COMMD3: variants seen among roughly 807,000 people sequenced by gnomAD.
COMMD3 encodes COMM domain containing 3.
A neutral mutation model predicts 31.2 loss-of-function variants in COMMD3; 31 were observed. The observed-to-expected ratio is 0.99, with a 90% CI of 0.75 to 1.34. The LOEUF is 1.34. Among genes scored for constraint, COMMD3 ranks in the 40% most tolerant of loss-of-function variants. The probability of loss-of-function intolerance (pLI) is 0.00; values close to 1 mark genes in which losing one functional copy is unlikely to be tolerated. For synonymous variants in COMMD3, 108 were observed against 87.3 expected (o/e 1.24, Z -1.32); for missense variants, 274 against 236.9 (o/e 1.16, Z -1.03).
intron 7 of COMMD3, 148 bp from the exon 8 acceptor site, chr10:22,319,791 T>G: frequency 2.2e-6 from 2 of 923,926 alleles, no homozygotes; most frequent in Non-Finnish European, 1.6e-6. Flanking sequence ...TTTTGCCCGA[T>G]AGTAGTTTGT....
In COMMD3 at chr10:22,318,175, T is replaced by TA. The variant is rs1835890251; in HGVS notation, c.315+8dup. 7 of 1,606,024 alleles carry TA rather than the reference T, an allele frequency of 4.4e-6. No individual in the cohort carries two copies. Among genetic ancestry groups the TA allele is most frequent in the African/African-American group, 2.7e-5 (2 of 74,226 alleles). ...GTTTTGCACGGAATATCAGGTTACT[T>TA]ACTTTAAAATTTTTAATTAACAGTA... On this transcript the variant is annotated splice_region_variant and intron_variant, in intron 3 of 7. Coordinates refer to ENST00000376836, the MANE Select transcript of COMMD3 (RefSeq NM_012071.4).
chr10:22,319,016 C>T lies in COMMD3; in HGVS notation c.526C>T (p.Gln176Ter), dbSNP rs773920093. ...TTTTAGTTGCAGCATGGAACAATTA[C>T]AGGTACAGTATTAGGATCTATAAAT... ...ISFSCSMEQLQDLVGKLKDAS... is the reference protein window; with the variant it reads ...ISFSCSMEQL Residue 176 changes from glutamine (Q) to a stop codon, truncating the protein, a stop_gained and splice_region_variant, in exon 7 of 8, where the codon CAG becomes TAG. Transcript: ENST00000376836. LOFTEE classifies it high-confidence loss of function. 6.2e-7 allele frequency: 1 copy of T among 1,610,696 alleles called. No individual in the cohort carries two copies. Among genetic ancestry groups the T allele is most frequent in the Non-Finnish European group, 8.5e-7 (1 of 1,178,898 alleles).
intron 4 of COMMD3, 138 bp downstream of exon 4, chr10:22,318,444 A>G (rs1835896603): frequency 3.1e-6 from 4 of 1,283,702 alleles, no homozygotes; most frequent in Non-Finnish European, 2.2e-6. Context: ...ATTGAAGTTA[A>G]GCTCATGTTT....
At position 22,316,440 on chromosome 10, in the gene COMMD3, A is replaced by G. The variant is rs992434160; in HGVS notation, c.23A>G (p.Gln8Arg). ...ACAATGGAGCTCTCGGAGTCTGTGC[A>G]GAAAGGCTTCCAGATGCTGGCGGAT... MELSESV[Q>R]KGFQMLADPR... The change falls in exon 1 of 8, where the codon CAG (glutamine) becomes CGG (arginine). Residue 8 changes from glutamine (Q) to arginine (R), a missense_variant. Gln to Arg is a conservative substitution (Grantham distance 43). Transcript: ENST00000376836. The G allele has an allele frequency of 7.1e-6, 11 of 1,551,064 alleles. No individual in the cohort carries two copies. In the African/African-American group the frequency reaches 8.2e-5, roughly 12 times the overall value.
intron 7 of COMMD3, 96 bp downstream of exon 7, chr10:22,319,114 A>C: frequency 7.5e-7 from 1 of 1,331,174 alleles, no homozygotes; most frequent in South Asian, 1.6e-5. Context: ...TAATCTAACC[A>C]TTTGTCAGCA....
chr10:22,318,385 T>G, intron 4 of COMMD3, 79 bp downstream of exon 4: 3 of 1,540,682 alleles, frequency 1.9e-6, no homozygotes, highest in Non-Finnish European at 2.6e-6. Context: ...TGAAACAAGA[T>G]CTTCGGGATC....
rs761860641 is a variant in COMMD3, at chr10:22,318,260, T to C, written c.316-12T>C. On this transcript the variant is annotated splice_polypyrimidine_tract_variant and intron_variant, in intron 3 of 7. Transcript: ENST00000376836. ...TTTTTTCTTTCTTTCTTGCTTTCTT[T>C]TTTCTCTCCAGAATAATAAGAATTC... 2 of 1,602,478 alleles carry C rather than the reference T, an allele frequency of 1.2e-6. No homozygotes were observed. The highest frequency in any genetic ancestry group is 8.5e-7 in the Non-Finnish European group (1 of 1,177,124).
At position 22,320,199 on chromosome 10, in the gene COMMD3, T is replaced by C; in HGVS notation, c.*201T>C. ...GAAAGATACTGCCCAAGTATTTGAATCGTTTAGTAGTAACTGTCCATTTAT... is the reference window on the plus strand; with the variant it reads ...GAAAGATACTGCCCAAGTATTTGAACCGTTTAGTAGTAACTGTCCATTTAT... On this transcript the variant is annotated 3_prime_UTR_variant, in exon 8 of 8. Coordinates refer to ENST00000376836, the MANE Select transcript of COMMD3 (RefSeq NM_012071.4). The C allele has an allele frequency of 1.4e-6, 2 of 1,395,974 alleles. No homozygotes were observed. Among genetic ancestry groups the C allele is most frequent in the African/African-American group, 1.5e-5 (1 of 68,704 alleles). 86.5% of individuals were successfully genotyped at this position (1,395,974 alleles called of 1,614,324 possible). A position where few individuals can be genotyped will look rare whatever the true frequency, so the allele number is the denominator to read the frequency against.
chr10:22,318,090 TTTTC>T lies in COMMD3; in HGVS notation c.252-8_252-5del, dbSNP rs780460895. On this transcript the variant is annotated splice_polypyrimidine_tract_variant and intron_variant, in intron 2 of 7. Transcript: ENST00000376836. ...AATGGAGACAGAACTTTGGCTTTTTTTTTCTTTCTTCTAGCACTTATCTAGAAGA... is the reference window on the plus strand; with the variant it reads ...AATGGAGACAGAACTTTGGCTTTTTTTTTCTTCTAGCACTTATCTAGAAGA... 3.1e-6 allele frequency: 5 copies of T among 1,607,724 alleles called. No individual in the cohort carries two copies. In the South Asian group the frequency reaches 3.3e-5, roughly 11 times the overall value.
intron 1 of COMMD3, chr10:22,317,445 T>G (rs1835872424): frequency 6.5e-6 from 1 of 154,282 alleles, no homozygotes; most frequent in Non-Finnish European, 1.4e-5. Context: ...TCTGAACTCA[T>G]GCCCTACCTT....
chr10:22,318,567 G>T, intron 4 of COMMD3, 86 bp from the exon 5 acceptor site: 3 of 1,280,394 alleles, frequency 2.3e-6, no homozygotes, highest in East Asian at 4.6e-5. Flanking sequence ...GTTGGGGGTG[G>T]AAAGTAGAGC....
chr10:22,316,764 A>G (rs1835857971), intron 1 of COMMD3: 1 of 772,176 alleles, frequency 1.3e-6, no homozygotes, highest in Admixed American at 3.8e-5. Flanking sequence ...TGGCACCTGC[A>G]TAGAGCCAAC....
Position 22,318,941 on chromosome 10 carries a change from T to G in COMMD3, c.469-18T>G, listed in dbSNP as rs762807077. On this transcript the variant is annotated intron_variant, in intron 6 of 7. Transcript: ENST00000376836. Reference sequence around the variant, plus strand: ...AATAAACAGCGTTTCTTGTTGCGTGTTTTTTTTCCTGCCCTAGAACACTGA... The same window carrying G: ...AATAAACAGCGTTTCTTGTTGCGTGGTTTTTTTCCTGCCCTAGAACACTGA... The G allele has an allele frequency of 8.7e-6, 14 of 1,610,086 alleles. No homozygotes were observed. The African/African-American group carries it at 1.6e-4, about 19-fold the overall frequency.
Sources: allele counts gnomAD v4.1 joint callset, GRCh38; gene constraint gnomAD v4.1.1; transcripts MANE v1.5; gene names NCBI Gene and HGNC (gene_info 2026-07-23, HGNC 2026-07-21).